The following GLIS3 variants were observed in gnomAD, a reference collection of about 807,000 sequenced individuals.
The protein encoded by GLIS3 is zinc finger protein GLIS3.
A neutral mutation model predicts 78.6 loss-of-function variants in GLIS3; 53 were observed. That is an observed-to-expected ratio of 0.67 (90% CI 0.54 to 0.85). The LOEUF is 0.85. Among genes scored for constraint, GLIS3 ranks in the 40% least tolerant of loss-of-function variants. GLIS3 has a pLI of 0.00. For missense variants in GLIS3, 1,703 were observed against 1,231.1 expected (o/e 1.38, Z -5.74); for synonymous variants, 684 against 509.9 (o/e 1.34, Z -4.60).
At chr9:4,262,916 T>A (rs1825657588) in intron 2 of GLIS3, among the ~76,000 whole-genome samples, 1 of 146,790 alleles carries the variant, frequency 6.8e-6, no homozygotes. Context: ...AGATGTTGAT[T>A]GTTTCAGTGT....
chr9:4,094,551 G>A (rs562304), intron 4 of GLIS3, among the ~76,000 whole-genome samples: 46,739 of 151,982 alleles, frequency 0.31, 8,052 homozygotes, highest in African/African-American at 0.47. Flanking sequence ...GGAATGTTCC[G>A]TTACTACCAT....
the GLIS3 span, among the ~76,000 whole-genome samples, chr9:4,487,781 G>A: frequency 5.9e-5 from 9 of 151,892 alleles, no homozygotes; most frequent in African/African-American, 1.9e-4. Context: ...TCGAACTCCC[G>A]GGCTCAAACT....
chr9:4,019,933 T>C (rs1822745725), intron 4 of GLIS3, among the ~76,000 whole-genome samples: 1 of 152,076 alleles, frequency 6.6e-6, no homozygotes, highest in African/African-American at 2.4e-5. Flanking sequence ...CATATAAATT[T>C]TTTTTGTAGA....
intron 2 of GLIS3, among the ~76,000 whole-genome samples, chr9:4,155,346 A>G (rs1421663228): frequency 6.6e-6 from 1 of 152,196 alleles, no homozygotes; most frequent in Non-Finnish European, 1.5e-5. Context: ...TACACCTGGA[A>G]CCACTGACCC....
chr9:4,367,709 C>A, the GLIS3 span, among the ~76,000 whole-genome samples: 1 of 150,460 alleles, frequency 6.6e-6, no homozygotes, highest in Non-Finnish European at 1.5e-5. Context: ...CCTCCTTATC[C>A]ACACCTAACA....
At chr9:4,443,906 C>T in the GLIS3 span, among the ~76,000 whole-genome samples, 56 of 152,332 alleles carry the variant, frequency 3.7e-4, no homozygotes, top group African/African-American at 1.3e-3. Context: ...CAGGTTGACA[C>T]TACAATTCCA....
chr9:3,892,881 G>A (rs1230948791), intron 7 of GLIS3, among the ~76,000 whole-genome samples: 2 of 152,072 alleles, frequency 1.3e-5, no homozygotes, highest in Non-Finnish European at 2.9e-5. Context: ...ACCTGCTTCA[G>A]GTACACCTCA....
chr9:4,152,180 G>C lies in GLIS3; in HGVS notation c.389-26239C>G, dbSNP rs1468490721. 4 of 942,828 alleles carry C rather than the reference G, an allele frequency of 4.2e-6. No homozygotes were observed. In the African/African-American group the frequency reaches 5.3e-5, roughly 13 times the overall value. The allele number at this position is 942,828 out of a possible 1,614,324, so 58.4% of individuals were successfully genotyped here. On this transcript the variant is annotated intron_variant, in intron 2 of 10. Transcript: ENST00000381971. ...TCCTCCAACACCCTTCAACCATAAA[G>C]GATGTGTGAGCCTCAGGAAGGAACC... is the stretch of plus-strand genomic sequence containing the variant.
intron 5 of GLIS3, among the ~76,000 whole-genome samples, chr9:3,936,700 T>G (rs1416799552): frequency 6.6e-6 from 1 of 152,206 alleles, no homozygotes; most frequent in Non-Finnish European, 1.5e-5. Context: ...AATACTGTTT[T>G]TAATGCCAGT....
chr9:4,399,285 T>C, the GLIS3 span, among the ~76,000 whole-genome samples: 4 of 152,228 alleles, frequency 2.6e-5, no homozygotes, highest in African/African-American at 9.6e-5. Context: ...ATATTATTTA[T>C]CAACTTGGGG....
At chr9:3,893,828 C>A (rs564542831) in intron 7 of GLIS3, among the ~76,000 whole-genome samples, 29 of 152,280 alleles carry the variant, frequency 1.9e-4, no homozygotes, top group African/African-American at 7.0e-4. Context: ...TAGGGCCCAG[C>A]AAACTGTATT....
At chr9:4,414,775 C>A in the GLIS3 span, among the ~76,000 whole-genome samples, 1 of 152,120 alleles carries the variant, frequency 6.6e-6, no homozygotes, top group Non-Finnish European at 1.5e-5. Flanking sequence ...CATATCTGAT[C>A]ATCCTCAATG....
chr9:4,066,470 G>C (rs1827106970), intron 4 of GLIS3, among the ~76,000 whole-genome samples: 1 of 152,136 alleles, frequency 6.6e-6, no homozygotes, highest in East Asian at 1.9e-4. Flanking sequence ...CAGCCCAGAG[G>C]AGAAGCTCCC....
chr9:3,992,961 T>C (rs1474279659), intron 4 of GLIS3, among the ~76,000 whole-genome samples: 4 of 152,224 alleles, frequency 2.6e-5, no homozygotes, highest in Non-Finnish European at 2.9e-5. Flanking sequence ...GTGTTTTTCT[T>C]GTGTGACATG....
chr9:4,327,279 G>A (rs1018221653), intron 2 of GLIS3, among the ~76,000 whole-genome samples: 1 of 152,186 alleles, frequency 6.6e-6, no homozygotes, highest in African/African-American at 2.4e-5. Flanking sequence ...ATGGCCAGAG[G>A]ACAGATGTCA....
chr9:4,132,766 T>C (rs555729808), intron 2 of GLIS3, among the ~76,000 whole-genome samples: 3 of 152,244 alleles, frequency 2.0e-5, no homozygotes, highest in South Asian at 2.1e-4. Flanking sequence ...TCCAAAATGA[T>C]CATACGAGAG....
intron 4 of GLIS3, among the ~76,000 whole-genome samples, chr9:3,958,550 A>G (rs1213223402): frequency 6.6e-6 from 1 of 152,152 alleles, no homozygotes; most frequent in African/African-American, 2.4e-5. Context: ...TCCATTCTTA[A>G]GTGCAGGGTC....
chr9:4,437,195 G>C, the GLIS3 span, among the ~76,000 whole-genome samples: 4 of 152,114 alleles, frequency 2.6e-5, no homozygotes, highest in Non-Finnish European at 4.4e-5. Context: ...TTGGAGAAGT[G>C]GCAATGAAGA....
chr9:4,379,518 T>C, the GLIS3 span, among the ~76,000 whole-genome samples: 1 of 152,316 alleles, frequency 6.6e-6, no homozygotes, highest in East Asian at 1.9e-4. Context: ...GGAGATCAAA[T>C]GTGGAAATGC....
Sources: allele counts gnomAD v4.1 joint callset (sites outside exome capture counted in the v4.1 genomes callset), GRCh38; gene constraint gnomAD v4.1.1; transcripts MANE v1.5; gene names NCBI Gene and HGNC (gene_info 2026-07-23, HGNC 2026-07-21).